The following PLD1 variants were observed in gnomAD, a reference collection of about 807,000 sequenced individuals.
The protein encoded by PLD1 is phospholipase D1, also known as choline phosphatase 1.
A neutral mutation model predicts 137.1 loss-of-function variants in PLD1; 112 were observed. The ratio of observed to expected loss-of-function variants is 0.82; its 90% CI spans 0.70 to 0.96. PLD1 has a LOEUF of 0.96. PLD1 is among the 40% of genes least tolerant of loss of function. The pLI is 0.00. For synonymous variants in PLD1, 431 were observed against 454.7 expected (o/e 0.95, Z 0.66); for missense variants, 1,321 against 1,342.0 (o/e 0.98, Z 0.24).
intron 1 of PLD1, among the ~76,000 whole-genome samples, chr3:171,746,465 C>G (rs914170585): frequency 6.6e-6 from 1 of 152,042 alleles, no homozygotes; most frequent in African/African-American, 2.4e-5. Context: ...TCCAGCTAAT[C>G]TGGTGGGGAC....
chr3:171,667,734 T>C (rs1470860311), intron 19 of PLD1, among the ~76,000 whole-genome samples: 1 of 152,150 alleles, frequency 6.6e-6, no homozygotes, highest in African/African-American at 2.4e-5. Context: ...CCAAACTGCT[T>C]AGAAGCAAGT....
chr3:171,619,864 A>C (rs1032113086), intron 24 of PLD1, among the ~76,000 whole-genome samples: 1 of 152,124 alleles, frequency 6.6e-6, no homozygotes, highest in African/African-American at 2.4e-5. Flanking sequence ...TAGAAGAATC[A>C]TTTGAGACCA....
At chr3:171,798,118 A>G (rs1471903998) in intron 1 of PLD1, among the ~76,000 whole-genome samples, 3 of 152,236 alleles carry the variant, frequency 2.0e-5, no homozygotes, top group East Asian at 3.8e-4. Context: ...CTATTATATA[A>G]CCAGCAATGG....
intron 21 of PLD1, among the ~76,000 whole-genome samples, chr3:171,652,237 C>G (rs573108624): frequency 6.6e-6 from 1 of 152,020 alleles, no homozygotes; most frequent in African/African-American, 2.4e-5. Context: ...CACAGTGAAA[C>G]CCCGTCTCTA....
chr3:171,636,634 T>A (rs2108350745), intron 23 of PLD1, among the ~76,000 whole-genome samples: 1 of 152,282 alleles, frequency 6.6e-6, no homozygotes, highest in Middle Eastern at 3.4e-3. Flanking sequence ...GAAACACTGC[T>A]AGACTAATTT....
intron 1 of PLD1, among the ~76,000 whole-genome samples, chr3:171,791,326 C>T (rs1485932684): frequency 6.6e-6 from 1 of 152,166 alleles, no homozygotes; most frequent in African/African-American, 2.4e-5. Context: ...TTGCACATGT[C>T]TGGGGTATAT....
chr3:171,646,931 T>A (rs552709999), intron 21 of PLD1, among the ~76,000 whole-genome samples: 3 of 152,302 alleles, frequency 2.0e-5, no homozygotes, highest in Non-Finnish European at 4.4e-5. Context: ...CTTCTGGGCC[T>A]CCAGTGAATC....
In PLD1 at chr3:171,726,117, A is replaced by G. The variant is rs777261909; in HGVS notation, c.607-41T>C. On this transcript the variant is annotated intron_variant, in intron 6 of 26. Coordinates refer to ENST00000351298, the MANE Select transcript of PLD1 (RefSeq NM_002662.5). ...AAATCCATCTTTAGCAAGCAAAACA[A>G]TTCAAATTTATGCATTAAAAAACAT... The G allele has an allele frequency of 1.5e-5, 20 of 1,326,956 alleles. No individual in the cohort carries two copies. In the South Asian group the frequency reaches 2.4e-4, roughly 16 times the overall value. The allele number at this position is 1,326,956 out of a possible 1,614,324, so 82.2% of individuals were successfully genotyped here.
chr3:171,689,056 A>G (rs1714869760), intron 13 of PLD1, among the ~76,000 whole-genome samples, 180 bp from the exon 14 acceptor site: 1 of 152,156 alleles, frequency 6.6e-6, no homozygotes, highest in South Asian at 2.1e-4. Context: ...AAAGAAAAAA[A>G]AAAGACTCCT....
chr3:171,787,807 A>G (rs2108347799), intron 1 of PLD1, among the ~76,000 whole-genome samples: 1 of 152,270 alleles, frequency 6.6e-6, no homozygotes, highest in African/African-American at 2.4e-5. Flanking sequence ...TGGTAATTTA[A>G]TGAAATTTAG....
intron 20 of PLD1, 56 bp from the exon 21 acceptor site, chr3:171,659,357 T>A: frequency 9.5e-7 from 1 of 1,049,510 alleles, no homozygotes; most frequent in Non-Finnish European, 1.5e-6. Context: ...GCAATATACG[T>A]AAGAACAATA....
At chr3:171,755,603 G>C (rs929016087) in intron 1 of PLD1, among the ~76,000 whole-genome samples, 1 of 152,070 alleles carries the variant, frequency 6.6e-6, no homozygotes, top group African/African-American at 2.4e-5. Flanking sequence ...TCTTCTCAGG[G>C]TGATCTCATC....
chr3:171,676,903 C>CTA (rs1168175504), intron 17 of PLD1, 70 bp from the exon 18 acceptor site: 2 of 1,028,960 alleles, frequency 1.9e-6, no homozygotes, highest in East Asian at 4.9e-5. Flanking sequence ...CTGACTCCAA[C>CTA]TATGAAACTA....
Position 171,687,498 on chromosome 3 carries a change from A to G in PLD1, c.1626T>C (p.Asp542=), listed in dbSNP as rs1714694015. The G allele has an allele frequency of 1.2e-6, 2 of 1,613,814 alleles. No homozygotes were observed. Among genetic ancestry groups the G allele is most frequent in the African/African-American group, 2.7e-5 (2 of 74,904 alleles). ...TTCCTTTCAGTTTTGAATCCACATC[A>G]TCAATACTCTTCTGGATGGGTAGGT... ...VQNLPIQKSI[D]DVDSKLKGIG... is the part of the protein sequence containing the mutation. Residue 542 remains aspartate (D), a synonymous_variant, in exon 15 of 27, where the codon GAT becomes GAC. Transcript: ENST00000351298.
intron 21 of PLD1, among the ~76,000 whole-genome samples, chr3:171,652,168 C>G (rs1024873113): frequency 3.2e-4 from 48 of 152,092 alleles, no homozygotes; most frequent in African/African-American, 1.1e-3. Flanking sequence ...AATCCCAGCA[C>G]TTTGGCAGGC....
chr3:171,684,271 T>C (rs141622520), intron 16 of PLD1, among the ~76,000 whole-genome samples: 1 of 152,344 alleles, frequency 6.6e-6, no homozygotes, highest in East Asian at 1.9e-4. Flanking sequence ...TCCATAATCT[T>C]CATGGGTTGG....
intron 23 of PLD1, among the ~76,000 whole-genome samples, chr3:171,628,814 C>A (rs1317039784): frequency 1.3e-5 from 2 of 152,346 alleles, no homozygotes; most frequent in East Asian, 1.9e-4. Flanking sequence ...TTCAACAACT[C>A]TTCTTGCTAA....
Position 171,764,891 on chromosome 3 carries a change from GA to G in PLD1, c.-31-26810del, listed in dbSNP as rs1560288674. On this transcript the variant is annotated intron_variant, in intron 1 of 26. Transcript: ENST00000351298. ...AGAAAGAAAGAAAGAAAGAAAGAAA[GA>G]AAGGAAGGAAGGAAGGAAGGAAAGA... Among the ~76,000 whole-genome samples the G allele has an allele frequency of 5.4e-3, 131 of 24,214 alleles. 1 individual carries two copies. Among genetic ancestry groups the G allele is most frequent in the East Asian group, 0.02 (38 of 1,870 alleles). The allele number at this position is 24,214 out of a possible 152,430, so 15.9% of individuals were successfully genotyped here. A position where few individuals can be genotyped will look rare whatever the true frequency, so the allele number is the denominator to read the frequency against.
intron 13 of PLD1, among the ~76,000 whole-genome samples, chr3:171,690,100 A>G (rs1447483673): frequency 6.6e-6 from 1 of 152,128 alleles, no homozygotes; most frequent in African/African-American, 2.4e-5. Context: ...TTCATGATTT[A>G]GTCTTGGTAG....
Sources: allele counts gnomAD v4.1 joint callset (sites outside exome capture counted in the v4.1 genomes callset), GRCh38; gene constraint gnomAD v4.1.1; transcripts MANE v1.5; gene names NCBI Gene and HGNC (gene_info 2026-07-23, HGNC 2026-07-21).